SOS1: variants seen among roughly 807,000 people sequenced by gnomAD.
SOS1 encodes the protein SOS Ras/Rac guanine nucleotide exchange factor 1.
Under a neutral mutation model 157.6 loss-of-function variants are expected in SOS1, and 25 were observed. That is an observed-to-expected ratio of 0.16 (90% CI 0.12 to 0.22). The LOEUF (loss-of-function observed/expected upper bound fraction) is 0.22. Among genes scored for constraint, SOS1 ranks in the 10% least tolerant of loss-of-function variants. The probability of loss-of-function intolerance (pLI) is 1.00; values close to 1 mark genes in which losing one functional copy is unlikely to be tolerated. For missense variants in SOS1, 1,237 were observed against 1,599.1 expected (o/e 0.77, Z 3.86); for synonymous variants, 528 against 534.0 (o/e 0.99, Z 0.16).
chr2:39,106,516 G>A (rs1572896647), intron 1 of SOS1, among the ~76,000 whole-genome samples: 3 of 148,138 alleles, frequency 2.0e-5, no homozygotes, highest in South Asian at 4.3e-4. Context: ...GCGTGAACCC[G>A]GGAGGCGGAG....
intron 20 of SOS1, among the ~76,000 whole-genome samples, chr2:38,990,762 A>T (rs952474874): frequency 6.6e-6 from 1 of 152,184 alleles, no homozygotes; most frequent in Non-Finnish European, 1.5e-5. Context: ...GGCTTTGAGT[A>T]TATTTATATA....
At chr2:38,991,459 CAGGAAGG>C (rs1668730835) in intron 20 of SOS1, among the ~76,000 whole-genome samples, 1 of 152,166 alleles carries the variant, frequency 6.6e-6, no homozygotes, top group Non-Finnish European at 1.5e-5. Flanking sequence ...AATCTTCAAA[CAGGAAGG>C]TAAAAAGAGC....
At chr2:39,013,820 A>ACGAAAGT in intron 12 of SOS1, 47 bp downstream of exon 12, 1 of 1,562,088 alleles carries the variant, frequency 6.4e-7, no homozygotes, top group Non-Finnish European at 8.8e-7. Context: ...CAACATTGAA[A>ACGAAAGT]CGAAAGTTTG....
chr2:39,029,811 T>G (rs1167396852), intron 8 of SOS1, among the ~76,000 whole-genome samples: 2 of 152,172 alleles, frequency 1.3e-5, no homozygotes, highest in African/African-American at 4.8e-5. Flanking sequence ...GCCGATGGTT[T>G]CTAGATAAGA....
intron 8 of SOS1, among the ~76,000 whole-genome samples, chr2:39,029,535 GATTA>G (rs1670084301): frequency 6.6e-6 from 1 of 151,992 alleles, no homozygotes; most frequent in African/African-American, 2.4e-5. Context: ...GAGGTAGGTG[GATTA>G]ATTGAGCCTG....
chr2:38,992,212 A>T (rs36156205), intron 20 of SOS1: 1 of 150,910 alleles, frequency 6.6e-6, no homozygotes, highest in African/African-American at 2.4e-5. Flanking sequence ...AGACAAAAGC[A>T]TGTGGAGAAG....
At chr2:39,066,685 G>T (rs144426270) in intron 2 of SOS1, among the ~76,000 whole-genome samples, 99 of 152,152 alleles carry the variant, frequency 6.5e-4, no homozygotes, top group South Asian at 1.5e-3. Flanking sequence ...AAAAAGACAA[G>T]GGCCATATCA....
Position 38,985,865 on chromosome 2 carries a change from T to C in SOS1, c.3961A>G (p.Arg1321Gly). 1.2e-6 allele frequency: 2 copies of C among 1,613,862 alleles called. No homozygotes were observed. The highest frequency in any genetic ancestry group is 8.5e-7 in the Non-Finnish European group (1 of 1,179,814). ...TTCTCCAACAGTGGTGGTCCATCTC[T>C]GTGCATGGATGGGTGTGTGTGCTCC... is the stretch of plus-strand genomic sequence containing the variant. ...KREHTHPSMH[R>G]DGPPLLENAH... Residue 1321 changes from arginine (R) to glycine (G), a missense_variant, in exon 23 of 23, where the codon AGA becomes GGA. Transcript: ENST00000402219.
In SOS1 at chr2:39,022,669, T is replaced by C. The variant is rs1458063607; in HGVS notation, c.1759A>G (p.Ile587Val). Residue 587 changes from isoleucine to valine, a missense_variant, in exon 10 of 23, where the codon ATA becomes GTA. Coordinates refer to ENST00000402219, the MANE Select transcript of SOS1 (RefSeq NM_005633.4). ...TTGGGCTGCATGTTCTCTTCAAATA[T>C]AATATTCTCTTCAGAGTCAGGCTCT... ...FAEPDSEENI[I>V]FEENMQPKAG... 1 of 1,613,196 alleles carries C rather than the reference T, an allele frequency of 6.2e-7. No individual in the cohort carries two copies.
intron 1 of SOS1, among the ~76,000 whole-genome samples, chr2:39,114,241 G>A (rs1673556759): frequency 6.6e-6 from 1 of 151,518 alleles, no homozygotes; most frequent in Non-Finnish European, 1.5e-5. Context: ...GACCACAGGT[G>A]CGTGCCACCA....
intron 4 of SOS1, 40 bp downstream of exon 4, chr2:39,056,662 A>G: frequency 7.4e-7 from 1 of 1,355,932 alleles, no homozygotes; most frequent in Non-Finnish European, 1.1e-6. Flanking sequence ...AAGTCATAAA[A>G]AGAAACTTAA....
chr2:39,037,818 T>C (rs1024585980), intron 6 of SOS1, among the ~76,000 whole-genome samples: 2 of 152,174 alleles, frequency 1.3e-5, no homozygotes, highest in African/African-American at 4.8e-5. Flanking sequence ...CTACTCTGGG[T>C]GTGCCCTATA....
chr2:39,111,528 C>T (rs1673435782), intron 1 of SOS1, among the ~76,000 whole-genome samples: 1 of 152,058 alleles, frequency 6.6e-6, no homozygotes, highest in South Asian at 2.1e-4. Flanking sequence ...AAGTAGTTGC[C>T]ACTTTTACTA....
At chr2:39,106,652 C>A (rs1252429949) in intron 1 of SOS1, among the ~76,000 whole-genome samples, 1 of 146,520 alleles carries the variant, frequency 6.8e-6, no homozygotes, top group East Asian at 1.9e-4. Flanking sequence ...AAAACCAAAT[C>A]TTTAAATTAC....
chr2:38,989,990 A>G (rs1181206900), intron 20 of SOS1, among the ~76,000 whole-genome samples: 1 of 152,124 alleles, frequency 6.6e-6, no homozygotes, highest in Non-Finnish European at 1.5e-5. Context: ...GAAAGCCCCA[A>G]GAGCATTAAA....
rs532916520 is a variant in SOS1 at position 39,071,802 on chromosome 2, G to A, written c.88-4049C>T. On this transcript the variant is annotated intron_variant, in intron 1 of 22. Transcript: ENST00000402219. The stretch of plus-strand genomic sequence containing the variant: ...TCTTCAATTTACACTTTATGCTAAT[G>A]CAATCTGAACTATTCGCAGTTTGCT... 6.8e-4 allele frequency among the ~76,000 whole-genome samples: 103 copies of A among 151,930 alleles called. 2 individuals are homozygous for A. Among genetic ancestry groups the A allele is most frequent in the Non-Finnish European group, 5.9e-4 (40 of 68,006 alleles).
At chr2:39,082,530 T>C (rs1572879205) in intron 1 of SOS1, 1 of 152,294 alleles carries the variant, frequency 6.6e-6, no homozygotes, top group Admixed American at 6.5e-5. Context: ...AATTTTACTT[T>C]AAATTTATTA....
At chr2:39,094,473 C>A (rs1441304552) in intron 1 of SOS1, among the ~76,000 whole-genome samples, 2 of 151,946 alleles carry the variant, frequency 1.3e-5, no homozygotes, top group African/African-American at 4.8e-5. Context: ...TGGTGAAACC[C>A]CGTCTCTACT....
At chr2:39,117,261 C>T (rs1673686718) in intron 1 of SOS1, among the ~76,000 whole-genome samples, 1 of 152,150 alleles carries the variant, frequency 6.6e-6, no homozygotes, top group South Asian at 2.1e-4. Flanking sequence ...AATTCCTGAC[C>T]TCGTGATCCG....
Sources: allele counts gnomAD v4.1 joint callset (sites outside exome capture counted in the v4.1 genomes callset), GRCh38; gene constraint gnomAD v4.1.1; transcripts MANE v1.5; gene names NCBI Gene and HGNC (gene_info 2026-07-23, HGNC 2026-07-21).